The following SH3TC1 variants were observed in gnomAD, a reference collection of about 807,000 sequenced individuals.
SH3TC1 encodes SH3 domain and tetratricopeptide repeat-containing protein 1.
Under a neutral mutation model 117.3 loss-of-function variants are expected in SH3TC1, and 135 were observed. That is an observed-to-expected ratio of 1.15 (90% confidence interval 1.00 to 1.33). The LOEUF is 1.33. Ranked by LOEUF, SH3TC1 falls within the 40% of genes most tolerant of loss-of-function variation. The pLI is 0.00. For synonymous variants in SH3TC1, 898 were observed against 816.9 expected, an observed-to-expected ratio of 1.10 and a Z score of -1.69; for missense variants, 2,092 against 1,794.3, an observed-to-expected ratio of 1.17 and a Z score of -3.00.
chr4:8,234,504 CATT>C (rs1560115244), intron 14 of SH3TC1, among the ~76,000 whole-genome samples: 1 of 149,472 alleles, frequency 6.7e-6, no homozygotes, highest in African/African-American at 2.5e-5. Flanking sequence ...CCCATCCATC[CATT>C]CATCTGTCCA....
At chr4:8,207,587 G>C (rs1718313743) in intron 2 of SH3TC1, among the ~76,000 whole-genome samples, 1 of 152,154 alleles carries the variant, frequency 6.6e-6, no homozygotes, top group African/African-American at 2.4e-5. Context: ...TCAACTCTAA[G>C]GAAGAGCTGT....
At chr4:8,226,265 G>A (rs773878092) in intron 11 of SH3TC1, among the ~76,000 whole-genome samples, 24 of 152,342 alleles carry the variant, frequency 1.6e-4, no homozygotes, top group Non-Finnish European at 2.2e-4. Flanking sequence ...ACCAAAGCCA[G>A]CAGGCGCCAG....
chr4:8,219,226 A>T, intron 8 of SH3TC1, 109 bp from the exon 9 acceptor site: 1 of 1,158,352 alleles, frequency 8.6e-7, no homozygotes, highest in Non-Finnish European at 1.2e-6. Context: ...CCTCCTAGTA[A>T]CCAAAAGATG....
At position 8,186,928 on chromosome 4, in the gene SH3TC1, G is replaced by C. The variant is rs1053871439; in HGVS notation, c.-57+4718G>C. Among the ~76,000 whole-genome samples, 1 of 150,282 alleles carries C rather than the reference G, an allele frequency of 6.7e-6. No individual in the cohort carries two copies. The highest frequency in any genetic ancestry group is 1.5e-5 in the Non-Finnish European group (1 of 67,634). On this transcript the variant is annotated intron_variant, in intron 1 of 16. Coordinates refer to the SH3TC1 transcript ENST00000508641. This position sits in a 1 kb window ranked among gnomAD's most constrained non-coding sequence, Gnocchi z 5.2. Reference sequence around the variant, plus strand: ...CACTGCACTCCAGCCTGGGTGACAGGGCAAGACTACGTCTCAAAAAAAAAA... The same window carrying C: ...CACTGCACTCCAGCCTGGGTGACAGCGCAAGACTACGTCTCAAAAAAAAAA...
At chr4:8,240,665 C>A (rs775582756) in intron 17 of SH3TC1, 33 bp from the exon 18 acceptor site, 1 of 1,611,944 alleles carries the variant, frequency 6.2e-7, no homozygotes, top group Non-Finnish European at 8.5e-7. Context: ...GCTCCGAGTC[C>A]CCCTTTTGCT....
chr4:8,212,230 C>A (rs1391979182), intron 3 of SH3TC1, among the ~76,000 whole-genome samples: 2 of 151,098 alleles, frequency 1.3e-5, no homozygotes, highest in African/African-American at 4.9e-5. Flanking sequence ...GGTGGGTGCC[C>A]CCATGGTCCC....
chr4:8,210,942 C>G lies in SH3TC1; in HGVS notation c.247+1120C>G, dbSNP rs2152982589. Among the ~76,000 whole-genome samples, 1 of 151,718 alleles carries G rather than the reference C, an allele frequency of 6.6e-6. No homozygotes were observed. Among genetic ancestry groups the G allele is most frequent in the East Asian group, 1.9e-4 (1 of 5,160 alleles). On this transcript the variant is annotated intron_variant, in intron 3 of 17. Transcript: ENST00000245105. The surrounding 1 kb of genome is among the most constrained non-coding windows in gnomAD (Gnocchi z 4.1). ...CTAGCAGAAAACTCTCAGGCAGGTGCTTTAAGCTTATTCAAAGGTGTGAGA... is the reference window on the plus strand; with the variant it reads ...CTAGCAGAAAACTCTCAGGCAGGTGGTTTAAGCTTATTCAAAGGTGTGAGA...
Position 8,183,087 on chromosome 4 carries a change from T to TG in SH3TC1, c.-57+881dup, listed in dbSNP as rs1406524278. On this transcript the variant is annotated intron_variant, in intron 1 of 16. Coordinates refer to the SH3TC1 transcript ENST00000508641. This position sits in a 1 kb window ranked among gnomAD's most constrained non-coding sequence, Gnocchi z 5.4. ...GGGATCCATGGCCCCTGGCAAGGGG[T>TG]GGGGCCTCTGTGAGCCTCAGTTTCT... is the stretch of plus-strand genomic sequence containing the variant. Among the ~76,000 whole-genome samples the TG allele has an allele frequency of 6.6e-6, 1 of 151,818 alleles. No individual in the cohort carries two copies. Among genetic ancestry groups the TG allele is most frequent in the Non-Finnish European group, 1.5e-5 (1 of 67,914 alleles).
At chr4:8,234,490 T>C (rs983998693) in intron 14 of SH3TC1, among the ~76,000 whole-genome samples, 19 of 148,072 alleles carry the variant, frequency 1.3e-4, no homozygotes, top group South Asian at 6.4e-4. Flanking sequence ...CATCCATCCA[T>C]CCACCCATCC....
intron 1 of SH3TC1, among the ~76,000 whole-genome samples, chr4:8,182,472 G>C (rs1578628207): frequency 6.6e-6 from 1 of 152,176 alleles, no homozygotes; most frequent in Non-Finnish European, 1.5e-5. Context: ...GGGTGGAGCT[G>C]GATGCTGTCA....
chr4:8,212,423 C>T (rs1301432781), intron 3 of SH3TC1, among the ~76,000 whole-genome samples: 1 of 152,178 alleles, frequency 6.6e-6, no homozygotes, highest in Non-Finnish European at 1.5e-5. Context: ...CTGTGCCGGC[C>T]TGGCCTGCAG....
chr4:8,224,980 C>T, intron 10 of SH3TC1, 195 bp from the exon 11 acceptor site: 1 of 635,908 alleles, frequency 1.6e-6, no homozygotes, highest in Non-Finnish European at 2.7e-6. Flanking sequence ...GCACCTGACC[C>T]TGCAACACCT....
intron 10 of SH3TC1, among the ~76,000 whole-genome samples, chr4:8,223,758 A>G (rs1720172591): frequency 1.3e-5 from 2 of 151,438 alleles, no homozygotes; most frequent in Admixed American, 1.3e-4. Flanking sequence ...TCAGCCTCCC[A>G]AGTAGCTGGA....
At chr4:8,201,032 T>G (rs1717795653) in intron 1 of SH3TC1, among the ~76,000 whole-genome samples, 2 of 152,256 alleles carry the variant, frequency 1.3e-5, no homozygotes, top group South Asian at 2.1e-4. Flanking sequence ...GGGGCATGAA[T>G]TTTGAAAGGA....
intron 1 of SH3TC1, among the ~76,000 whole-genome samples, chr4:8,200,235 G>A (rs1245808939): frequency 6.6e-6 from 1 of 152,254 alleles, no homozygotes; most frequent in Non-Finnish European, 1.5e-5. Flanking sequence ...GCCTCCCAGC[G>A]CCAGGCAGCG....
chr4:8,216,232 C>T lies in SH3TC1; in HGVS notation c.603C>T (p.Thr201=), dbSNP rs750110207. 1 of 1,613,662 alleles carries T rather than the reference C, an allele frequency of 6.2e-7. No homozygotes were observed. Residue 201 remains threonine, a synonymous_variant, in exon 6 of 18, where the codon ACC becomes ACT. Transcript: ENST00000245105. Reference sequence around the variant, plus strand: ...TGGATGAGAACGCCTTAAGGCTGACCCACGAGAGCCTCCTCATCCAAGAAG... The same window carrying T: ...TGGATGAGAACGCCTTAAGGCTGACTCACGAGAGCCTCCTCATCCAAGAAG... ...VHVDENALRL[T]HESLLIQEGP...
At chr4:8,240,162 G>A (rs1182340929) in intron 17 of SH3TC1, among the ~76,000 whole-genome samples, 1 of 152,204 alleles carries the variant, frequency 6.6e-6, no homozygotes, top group Non-Finnish European at 1.5e-5. Context: ...CAGGGATGGT[G>A]AGTTTGAGCC....
At chr4:8,213,667 G>A (rs1284921366) in intron 4 of SH3TC1, among the ~76,000 whole-genome samples, 2 of 152,126 alleles carry the variant, frequency 1.3e-5, no homozygotes, top group South Asian at 2.1e-4. Context: ...GGCGAACGAC[G>A]AAGAAGGATC....
Position 8,192,727 on chromosome 4 carries a change from C to T in SH3TC1, c.-57+10517C>T, listed in dbSNP as rs1477951405. On this transcript the variant is annotated intron_variant, in intron 1 of 16. Coordinates refer to the SH3TC1 transcript ENST00000508641. This position sits in a 1 kb window ranked among gnomAD's most constrained non-coding sequence, Gnocchi z 4.1. ...CAGGCTGGTCTCAAACTCCTGACCT[C>T]GTGATCCACCTGCCTTGGTCTCCCT... 1.3e-5 allele frequency among the ~76,000 whole-genome samples: 2 copies of T among 151,880 alleles called. No individual in the cohort carries two copies. Among genetic ancestry groups the T allele is most frequent in the Non-Finnish European group, 2.9e-5 (2 of 67,968 alleles).
Sources: gnomAD v4.1 joint callset for allele counts (sites outside exome capture counted in the v4.1 genomes callset) on GRCh38, gnomAD v4.1.1 for gene constraint, Gnocchi (gnomAD v3.1) non-coding constraint, MANE v1.5 for transcripts, NCBI Gene and HGNC (gene_info 2026-07-23, HGNC 2026-07-21) for gene names.